The following DLC1 variants were observed in gnomAD, a reference collection of about 807,000 sequenced individuals.
DLC1 encodes the protein rho GTPase-activating protein 7.
In DLC1, 54 loss-of-function variants were observed where a neutral mutation model predicts 140.3. The observed-to-expected ratio is 0.38, with a 90% CI of 0.31 to 0.48. DLC1 has a LOEUF of 0.48. DLC1 is among the 20% of genes least tolerant of loss of function. The probability of loss-of-function intolerance (pLI) is 0.96; values close to 1 mark genes in which losing one functional copy is unlikely to be tolerated. For synonymous variants in DLC1, 986 were observed against 728.1 expected, an observed-to-expected ratio of 1.35 and a Z score of -5.70; for missense variants, 2,536 against 1,907.0, an observed-to-expected ratio of 1.33 and a Z score of -6.14.
intron 11 of DLC1, 29 bp from the exon 12 acceptor site, chr8:13,094,986 G>A (rs754454012): frequency 1.2e-6 from 2 of 1,613,968 alleles, no homozygotes; most frequent in Non-Finnish European, 1.7e-6. Context: ...TAAGTGTGGG[G>A]TACATTCACG....
intron 4 of DLC1, among the ~76,000 whole-genome samples, chr8:13,383,676 T>C (rs909660927): frequency 6.6e-6 from 1 of 152,172 alleles, no homozygotes; most frequent in Admixed American, 6.5e-5. Context: ...GTACAGAAGA[T>C]AAGACAGTTT....
chr8:13,206,295 C>A (rs1024721302), intron 5 of DLC1, among the ~76,000 whole-genome samples: 2 of 151,964 alleles, frequency 1.3e-5, no homozygotes, highest in African/African-American at 4.8e-5. Flanking sequence ...AATGTATTTC[C>A]CAGTAAAAAC....
chr8:13,574,809 G>A (rs1295330564), intron 1 of DLC1, among the ~76,000 whole-genome samples: 3 of 152,090 alleles, frequency 2.0e-5, no homozygotes, highest in Admixed American at 6.6e-5. Context: ...TCAAATTCCA[G>A]CCTCAGAACT....
At chr8:13,352,125 A>T (rs1461107305) in intron 4 of DLC1, among the ~76,000 whole-genome samples, 1 of 152,170 alleles carries the variant, frequency 6.6e-6, no homozygotes, top group African/African-American at 2.4e-5. Context: ...AGTTAAGACA[A>T]CTGTTTACAA....
intron 5 of DLC1, among the ~76,000 whole-genome samples, chr8:13,298,750 A>G (rs1013602736): frequency 2.6e-5 from 4 of 152,158 alleles, no homozygotes; most frequent in Non-Finnish European, 5.9e-5. Context: ...GATAAAAATA[A>G]CCTGTTAGGC....
intron 5 of DLC1, among the ~76,000 whole-genome samples, chr8:13,285,244 AT>A (rs1283844281): frequency 6.6e-6 from 1 of 152,046 alleles, no homozygotes; most frequent in Admixed American, 6.6e-5. Flanking sequence ...TGGTCAGTTG[AT>A]TTTTTTTATA....
intron 2 of DLC1, among the ~76,000 whole-genome samples, chr8:13,413,813 C>A (rs566628199): frequency 1.3e-5 from 2 of 152,038 alleles, no homozygotes; most frequent in Admixed American, 6.6e-5. Context: ...CCCAGCCATG[C>A]GGAACTCTGA....
At position 13,133,036 on chromosome 8, in the gene DLC1, G is replaced by A. The variant is rs1227896281; in HGVS notation, c.1349-17379C>T. On this transcript the variant is annotated intron_variant, in intron 5 of 17. Transcript: ENST00000276297. ...TGGGGAAGTCGAGGCAGGCGGAGGC[G>A]GCTCGGCTTCCGCGTCGGGACCCAC... is the stretch of plus-strand genomic sequence containing the variant. 7 of 1,583,126 alleles carry A rather than the reference G, an allele frequency of 4.4e-6. No individual in the cohort carries two copies. The East Asian group carries it at 6.9e-5, about 16-fold the overall frequency.
At position 13,141,946 on chromosome 8, in the gene DLC1, T is replaced by C. The variant is rs144309716; in HGVS notation, c.1349-26289A>G. On this transcript the variant is annotated intron_variant, in intron 5 of 17. Transcript: ENST00000276297. ...TCCCCACCCAAATCTCATCTTGAAC[T>C]GTAATCCCCAGGTATTTAGGGAGGC... Among the ~76,000 whole-genome samples, 361 of 152,340 alleles carry C rather than the reference T, an allele frequency of 2.4e-3. 3 individuals carry two copies. Among genetic ancestry groups the C allele is most frequent in the African/African-American group, 8.4e-3 (351 of 41,590 alleles).
chr8:13,444,391 A>G (rs1216649115), intron 2 of DLC1, among the ~76,000 whole-genome samples: 3 of 152,154 alleles, frequency 2.0e-5, no homozygotes, highest in Non-Finnish European at 2.9e-5. Context: ...TGACACATGT[A>G]TACCTATGTA....
chr8:13,155,869 CCTT>C (rs1645945152), intron 5 of DLC1, among the ~76,000 whole-genome samples: 2 of 152,088 alleles, frequency 1.3e-5, no homozygotes, highest in African/African-American at 2.4e-5. Flanking sequence ...AAATGAGAAA[CCTT>C]CTAACTAGTT....
intron 5 of DLC1, among the ~76,000 whole-genome samples, chr8:13,202,015 G>A (rs1442603174): frequency 6.1e-5 from 9 of 146,676 alleles, no homozygotes; most frequent in African/African-American, 2.3e-4. Context: ...GTGCGATCTC[G>A]GCTCACTGCA....
chr8:13,547,938 A>G (rs963982015), intron 1 of DLC1, among the ~76,000 whole-genome samples: 5 of 152,092 alleles, frequency 3.3e-5, no homozygotes, highest in Admixed American at 2.0e-4. Context: ...CATCTTCAAA[A>G]TTCTGTTCAA....
At chr8:13,213,109 G>A (rs1828023252) in intron 5 of DLC1, among the ~76,000 whole-genome samples, 1 of 152,200 alleles carries the variant, frequency 6.6e-6, no homozygotes, top group Non-Finnish European at 1.5e-5. Context: ...TACAGTGAAA[G>A]ACTTAATAAA....
chr8:13,095,047 G>C (rs760877448), intron 11 of DLC1, 39 bp downstream of exon 11: 1 of 1,613,382 alleles, frequency 6.2e-7, no homozygotes, highest in Non-Finnish European at 8.5e-7. Flanking sequence ...TGTAATCCGA[G>C]CTCCCCTGAG....
chr8:13,531,821 C>G (rs1239529675), intron 1 of DLC1, among the ~76,000 whole-genome samples: 2 of 152,132 alleles, frequency 1.3e-5, no homozygotes, highest in Admixed American at 6.5e-5. Context: ...CAAGATGAAT[C>G]AAAACATTTT....
At chr8:13,573,139 T>C (rs7816589) in intron 1 of DLC1, among the ~76,000 whole-genome samples, 101,380 of 152,116 alleles carry the variant, frequency 0.67, 34,508 homozygotes, top group East Asian at 0.92. Context: ...AAATTTATTT[T>C]GTCAGTGTTT....
chr8:13,146,072 A>T (rs974111910), intron 5 of DLC1, among the ~76,000 whole-genome samples: 1 of 152,148 alleles, frequency 6.6e-6, no homozygotes, highest in Non-Finnish European at 1.5e-5. Context: ...AGGTAGATCG[A>T]GACCAGCCTG....
intron 2 of DLC1, among the ~76,000 whole-genome samples, chr8:13,468,223 T>A (rs1800030773): frequency 6.6e-6 from 1 of 152,226 alleles, no homozygotes; most frequent in Non-Finnish European, 1.5e-5. Context: ...TCATTTAAAT[T>A]TTCAAATTTA....
Sources: allele counts gnomAD v4.1 joint callset (sites outside exome capture counted in the v4.1 genomes callset), GRCh38; gene constraint gnomAD v4.1.1; transcripts MANE v1.5; gene names NCBI Gene and HGNC (gene_info 2026-07-23, HGNC 2026-07-21).